GALNT13: variants seen among roughly 807,000 people sequenced by gnomAD.
GALNT13 encodes UDP-GalNAc:polypeptide N-acetylgalactosaminyltransferase 13.
A neutral mutation model predicts 64.2 loss-of-function variants in GALNT13; 28 were observed. That is an observed-to-expected ratio of 0.44 (90% CI 0.32 to 0.60). The LOEUF (loss-of-function observed/expected upper bound fraction) is 0.60. Among genes scored for constraint, GALNT13 ranks in the 20% least tolerant of loss-of-function variants. The pLI is 0.05. For missense variants in GALNT13, 577 were observed against 669.8 expected (o/e 0.86, Z 1.53); for synonymous variants, 214 against 224.6 (o/e 0.95, Z 0.42).
intron 9 of GALNT13, among the ~76,000 whole-genome samples, chr2:154,310,453 AC>A (rs1423914684): frequency 1.3e-5 from 2 of 152,190 alleles, no homozygotes; most frequent in African/African-American, 4.8e-5. Flanking sequence ...ATATAAAAAA[AC>A]AGTATTGTTG....
chr2:153,797,982 G>A, the GALNT13 span, among the ~76,000 whole-genome samples: 8 of 152,134 alleles, frequency 5.3e-5, no homozygotes, highest in Admixed American at 5.2e-4. Context: ...CACAGCATCA[G>A]CATTACTTGG....
At chr2:153,182,541 C>A in the GALNT13 span, among the ~76,000 whole-genome samples, 3 of 152,100 alleles carry the variant, frequency 2.0e-5, no homozygotes, top group Non-Finnish European at 4.4e-5. Context: ...CACAGATTAT[C>A]CCAACACCTA....
At chr2:153,439,625 G>A in the GALNT13 span, among the ~76,000 whole-genome samples, 4 of 152,202 alleles carry the variant, frequency 2.6e-5, no homozygotes, top group East Asian at 7.7e-4. Context: ...AGCCATGTGT[G>A]GGATATAATC....
intron 4 of GALNT13, among the ~76,000 whole-genome samples, chr2:154,143,166 G>A (rs905210265): frequency 2.6e-5 from 4 of 152,130 alleles, no homozygotes; most frequent in Non-Finnish European, 4.4e-5. Context: ...ATTCTCATAA[G>A]GAGCACACAG....
At chr2:154,414,558 A>C (rs548898241) in intron 11 of GALNT13, among the ~76,000 whole-genome samples, 1 of 150,548 alleles carries the variant, frequency 6.6e-6, no homozygotes, top group Non-Finnish European at 1.5e-5. Flanking sequence ...GAAACATTTT[A>C]TCTTGTTTCA....
At chr2:153,986,616 CCCGAT>C (rs1296232749) in intron 3 of GALNT13, among the ~76,000 whole-genome samples, 1 of 151,790 alleles carries the variant, frequency 6.6e-6, no homozygotes, top group East Asian at 1.9e-4. Context: ...CCAAGTTTAT[CCCGAT>C]CACCGTGACA....
At chr2:154,420,677 T>G (rs1700210630) in intron 11 of GALNT13, among the ~76,000 whole-genome samples, 1 of 152,144 alleles carries the variant, frequency 6.6e-6, no homozygotes, top group East Asian at 1.9e-4. Context: ...ACTAGCTGTA[T>G]GCCTATTTTT....
chr2:154,000,449 A>G lies in GALNT13; in HGVS notation c.142+55810A>G, dbSNP rs144659651. ...TTTTGATGTAGAATTATGTTGCTCT[A>G]AAATTTTCTCATAGAACTATTTTTG... On this transcript the variant is annotated intron_variant, in intron 3 of 12. Transcript: ENST00000392825. 6.6e-5 allele frequency among the ~76,000 whole-genome samples: 10 copies of G among 152,094 alleles called. No homozygotes were observed. The East Asian group carries it at 1.5e-3, about 23-fold the overall frequency.
the GALNT13 span, among the ~76,000 whole-genome samples, chr2:153,718,295 T>C: frequency 2.6e-5 from 4 of 152,112 alleles, no homozygotes; most frequent in East Asian, 7.7e-4. Flanking sequence ...AGAATTAAGA[T>C]TGATCCAAAG....
At chr2:153,960,487 C>G (rs1293145156) in intron 3 of GALNT13, among the ~76,000 whole-genome samples, 3 of 152,186 alleles carry the variant, frequency 2.0e-5, no homozygotes, top group Admixed American at 2.0e-4. Flanking sequence ...CAGGCCCATC[C>G]CATAGACAGA....
the GALNT13 span, among the ~76,000 whole-genome samples, chr2:153,736,324 T>G: frequency 6.6e-6 from 1 of 152,176 alleles, no homozygotes; most frequent in Non-Finnish European, 1.5e-5. Context: ...TGGGAGCCCT[T>G]CAGGATAGCT....
intron 3 of GALNT13, among the ~76,000 whole-genome samples, chr2:154,084,370 G>T (rs1407145837): frequency 6.6e-6 from 1 of 151,680 alleles, no homozygotes; most frequent in Admixed American, 6.6e-5. Context: ...ATAAAAATTA[G>T]GTTGATATAT....
the GALNT13 span, among the ~76,000 whole-genome samples, chr2:153,760,983 C>T: frequency 6.6e-6 from 1 of 152,006 alleles, no homozygotes; most frequent in Non-Finnish European, 1.5e-5. Context: ...ATGTAATAAC[C>T]TTCTTTATCT....
At chr2:153,485,220 T>C in the GALNT13 span, among the ~76,000 whole-genome samples, 203 of 152,336 alleles carry the variant, frequency 1.3e-3, 6 homozygotes, top group East Asian at 0.034. Context: ...TTATCAGATA[T>C]ATTAACCTTT....
intron 4 of GALNT13, among the ~76,000 whole-genome samples, chr2:154,181,797 A>C (rs1336694315): frequency 6.6e-6 from 1 of 152,020 alleles, no homozygotes; most frequent in East Asian, 1.9e-4. Flanking sequence ...ATTTAACATA[A>C]ATAATATTTC....
the GALNT13 span, among the ~76,000 whole-genome samples, chr2:153,574,821 CCT>C: frequency 3.3e-5 from 5 of 151,682 alleles, no homozygotes; most frequent in Non-Finnish European, 7.4e-5. Flanking sequence ...TATTTTGAAG[CCT>C]CTGTCTGAAG....
chr2:153,305,613 C>G, the GALNT13 span, among the ~76,000 whole-genome samples: 1 of 152,156 alleles, frequency 6.6e-6, no homozygotes, highest in South Asian at 2.1e-4. Context: ...TGGTTGTAAA[C>G]CCTGGATAGA....
rs142963654 is a variant in GALNT13, at chr2:154,068,857, A to G, written c.143-71480A>G. Among the ~76,000 whole-genome samples the G allele has an allele frequency of 7.0e-3, 1,066 of 152,198 alleles. 11 individuals are homozygous for G. The highest frequency in any genetic ancestry group is 0.024 in the African/African-American group (982 of 41,574). Reference sequence around the variant, plus strand: ...CAACAATAATTTATTGTACATTTTTAAATAACTTTTAGTTATTTAGTATCC... The same window carrying G: ...CAACAATAATTTATTGTACATTTTTGAATAACTTTTAGTTATTTAGTATCC... On this transcript the variant is annotated intron_variant, in intron 3 of 12. Coordinates refer to ENST00000392825, the MANE Select transcript of GALNT13 (RefSeq NM_052917.4).
chr2:153,121,501 T>C, the GALNT13 span, among the ~76,000 whole-genome samples: 1 of 152,172 alleles, frequency 6.6e-6, no homozygotes, highest in African/African-American at 2.4e-5. Flanking sequence ...CAGATGTTTT[T>C]CATCTCTCAA....
Sources: allele counts gnomAD v4.1 joint callset (sites outside exome capture counted in the v4.1 genomes callset), GRCh38; gene constraint gnomAD v4.1.1; transcripts MANE v1.5; gene names NCBI Gene and HGNC (gene_info 2026-07-23, HGNC 2026-07-21).